MTF1: variants seen among roughly 807,000 people sequenced by gnomAD.
MTF1 encodes MRE-binding transcription factor.
Under a neutral mutation model 70.4 loss-of-function variants are expected in MTF1, and 22 were observed. That is an observed-to-expected ratio of 0.31 (90% CI 0.22 to 0.45). The LOEUF (loss-of-function observed/expected upper bound fraction) is 0.45, where lower values mean the gene tolerates loss of function less well. Among genes scored for constraint, MTF1 ranks in the 20% least tolerant of loss-of-function variants. MTF1 has a pLI of 1.00. For missense variants in MTF1, 649 were observed against 922.0 expected, an observed-to-expected ratio of 0.70 and a Z score of 3.83; for synonymous variants, 333 against 352.8, an observed-to-expected ratio of 0.94 and a Z score of 0.63.
At chr1:37,826,606 G>A (rs1270256500) in intron 7 of MTF1, 2 of 444,478 alleles carry the variant, frequency 4.5e-6, no homozygotes, top group Admixed American at 2.5e-5. Flanking sequence ...AGCTGAAGGA[G>A]GGGAAATTCA....
Position 37,857,377 on chromosome 1 carries a change from C to T in MTF1, c.282G>A (p.Val94=). ...IDHEAMSQGY[V]QHIISPDQIH... is the part of the protein sequence containing the mutation. ...TCTGATCTGGTGAGATAATGTGCTG[C>T]ACATAACCCTGGGACATTGCTTCAT... Residue 94 remains valine (V), a synonymous_variant, in exon 2 of 11, where the codon GTG becomes GTA. Transcript: ENST00000373036. 1.9e-6 allele frequency: 3 copies of T among 1,614,204 alleles called. No individual in the cohort carries two copies. The highest frequency in any genetic ancestry group is 2.5e-6 in the Non-Finnish European group (3 of 1,180,030).
At chr1:37,824,361 C>A (rs1365787094) in intron 7 of MTF1, among the ~76,000 whole-genome samples, 1 of 152,020 alleles carries the variant, frequency 6.6e-6, no homozygotes. Context: ...CCAAAAAAAA[C>A]CTTGCTGACT....
At chr1:37,821,656 G>A (rs1018108058) in intron 9 of MTF1, among the ~76,000 whole-genome samples, 3 of 152,140 alleles carry the variant, frequency 2.0e-5, no homozygotes, top group African/African-American at 7.2e-5. Context: ...TCAAGACCAA[G>A]TACTTCCTCA....
At chr1:37,820,903 G>A (rs1640899500) in intron 9 of MTF1, among the ~76,000 whole-genome samples, 1 of 152,196 alleles carries the variant, frequency 6.6e-6, no homozygotes. Flanking sequence ...GGAGGGCTGG[G>A]CATGATGGCT....
chr1:37,815,670 A>G lies in MTF1; in HGVS notation c.1832-104T>C, dbSNP rs1021813205. On this transcript the variant is annotated intron_variant, in intron 10 of 10. Coordinates refer to ENST00000373036, the MANE Select transcript of MTF1 (RefSeq NM_005955.3). The surrounding 1 kb of genome is among the most constrained non-coding windows in gnomAD (Gnocchi z 4.5). ...GTGAGAGCAGAGTGCCATGGGAACC[A>G]TGGGAAGGATGGTTGCCACACTTCG... 1.1e-5 allele frequency: 9 copies of G among 856,022 alleles called. No individual in the cohort carries two copies. The African/African-American group carries it at 1.3e-4, about 13-fold the overall frequency. The allele number at this position is 856,022 out of a possible 1,614,324, so 53.0% of individuals were successfully genotyped here.
Position 37,840,592 on chromosome 1 carries a change from C to A in MTF1, c.409-434G>T. ...TTTAAAACATCTGGAAATTTACATACTTAATCATCAAACATATTTCCCTAG... is the reference window on the plus strand; with the variant it reads ...TTTAAAACATCTGGAAATTTACATAATTAATCATCAAACATATTTCCCTAG... On this transcript the variant is annotated intron_variant, in intron 2 of 10. Coordinates refer to ENST00000373036, the MANE Select transcript of MTF1 (RefSeq NM_005955.3). The surrounding 1 kb of genome is among the most constrained non-coding windows in gnomAD (Gnocchi z 4.5). The A allele has an allele frequency of 2.3e-6, 1 of 436,162 alleles. No individual in the cohort carries two copies. Among genetic ancestry groups the A allele is most frequent in the Non-Finnish European group, 4.6e-6 (1 of 219,436 alleles). The allele number at this position is 436,162 out of a possible 1,614,324, so 27.0% of individuals were successfully genotyped here.
chr1:37,822,063 C>T (rs963656618), intron 9 of MTF1, 58 bp downstream of exon 9: 44 of 1,363,980 alleles, frequency 3.2e-5, no homozygotes, highest in Non-Finnish European at 4.4e-5. Flanking sequence ...AGCTTCTGAA[C>T]ATGTCACCTA....
intron 7 of MTF1, among the ~76,000 whole-genome samples, chr1:37,827,329 C>G (rs997812962): frequency 3.6e-5 from 5 of 139,760 alleles, no homozygotes; most frequent in Non-Finnish European, 6.1e-5. Flanking sequence ...GCAACCTCCT[C>G]ATAGTTGTTA....
intron 1 of MTF1, 43 bp from the exon 2 acceptor site, chr1:37,857,752 C>T (rs1002394346): frequency 2.4e-6 from 3 of 1,233,348 alleles, no homozygotes; most frequent in South Asian, 1.4e-5. Flanking sequence ...ACCACAAGAC[C>T]GACGGACCTC....
At chr1:37,836,943 G>C (rs1051707530) in intron 4 of MTF1, among the ~76,000 whole-genome samples, 2 of 135,674 alleles carry the variant, frequency 1.5e-5, no homozygotes, top group Non-Finnish European at 3.2e-5. Context: ...ACGGGAAGGG[G>C]GGCGGCGGGG....
chr1:37,828,937 G>A (rs1470448297), intron 7 of MTF1, among the ~76,000 whole-genome samples: 1 of 152,118 alleles, frequency 6.6e-6, no homozygotes, highest in Non-Finnish European at 1.5e-5. Flanking sequence ...TCCTGGAGCT[G>A]AGCAGCCAAA....
At chr1:37,839,754 CT>C (rs1641228105) in intron 3 of MTF1, among the ~76,000 whole-genome samples, 165 bp downstream of exon 3, 1 of 152,172 alleles carries the variant, frequency 6.6e-6, no homozygotes, top group Admixed American at 6.5e-5. Flanking sequence ...AAATTTTTTT[CT>C]TTCATTTTCT....
chr1:37,835,615 T>C (rs1035617386), intron 5 of MTF1, 56 bp downstream of exon 5: 35 of 1,323,276 alleles, frequency 2.6e-5, no homozygotes, highest in Non-Finnish European at 6.6e-6. Context: ...TCTACAGGTC[T>C]CAATGGAAAA....
intron 6 of MTF1, among the ~76,000 whole-genome samples, chr1:37,832,705 G>T (rs1430146509): frequency 6.6e-6 from 1 of 151,996 alleles, no homozygotes; most frequent in African/African-American, 2.4e-5. Flanking sequence ...TCTTAAAAAT[G>T]ATTAATAAAG....
intron 4 of MTF1, among the ~76,000 whole-genome samples, chr1:37,837,901 CAT>C (rs1641195464): frequency 6.6e-6 from 1 of 152,160 alleles, no homozygotes; most frequent in South Asian, 2.1e-4. Flanking sequence ...TTAAAAATGT[CAT>C]ATAATCATCC....
At chr1:37,839,709 C>T (rs560655858) in intron 3 of MTF1, among the ~76,000 whole-genome samples, 1 of 152,320 alleles carries the variant, frequency 6.6e-6, no homozygotes, top group South Asian at 2.1e-4. Flanking sequence ...AAGATACGTC[C>T]ATCTTTAAGT....
chr1:37,838,794 A>ATTTTTTTTTTTTTTTTTTTTTTTTTTTT (rs1283910138), intron 3 of MTF1, 38 bp from the exon 4 acceptor site: 3 of 502,568 alleles, frequency 6.0e-6, no homozygotes, highest in Non-Finnish European at 8.8e-6. Context: ...TTGTCATAAA[A>ATTTTTTTTTTTTTTTTTTTTTTTTTTTT]TTCTTTTTTT....
chr1:37,819,354 G>A (rs1269475704), intron 9 of MTF1, among the ~76,000 whole-genome samples: 2 of 152,170 alleles, frequency 1.3e-5, no homozygotes, highest in Non-Finnish European at 2.9e-5. Context: ...CGGGCGCGGT[G>A]GCTCACGCCT....
At chr1:37,818,900 A>G (rs71642606) in intron 9 of MTF1, among the ~76,000 whole-genome samples, 104 of 144,138 alleles carry the variant, frequency 7.2e-4, no homozygotes, top group Non-Finnish European at 4.9e-4. Flanking sequence ...GGCTGAGGCA[A>G]GAGAATGGTG....
Sources: gnomAD v4.1 joint callset for allele counts (sites outside exome capture counted in the v4.1 genomes callset) on GRCh38, gnomAD v4.1.1 for gene constraint, Gnocchi (gnomAD v3.1) non-coding constraint, MANE v1.5 for transcripts, NCBI Gene and HGNC (gene_info 2026-07-23, HGNC 2026-07-21) for gene names.